Variants in SYT7 observed in about 807,000 individuals in gnomAD.
SYT7 encodes the protein synaptotagmin-7.
In SYT7, 29 loss-of-function variants were observed where a neutral mutation model predicts 75.1. The observed-to-expected ratio is 0.39, with a 90% CI of 0.29 to 0.53. SYT7 has a LOEUF of 0.53. Ranked by LOEUF, SYT7 falls within the 20% of genes least tolerant of loss-of-function variation. The pLI is 0.77. For missense variants in SYT7, 693 were observed against 953.2 expected (o/e 0.73, Z 3.59); for synonymous variants, 376 against 401.7 (o/e 0.94, Z 0.76).
At chr11:61,560,240 T>C (rs138453760) in intron 1 of SYT7, among the ~76,000 whole-genome samples, 2,131 of 152,228 alleles carry the variant, frequency 0.014, 33 homozygotes, top group Middle Eastern at 0.034. Flanking sequence ...ACGTGGTTAG[T>C]TTTCAAGAGG....
intron 1 of SYT7, among the ~76,000 whole-genome samples, chr11:61,559,975 A>G (rs1293199104): frequency 6.6e-6 from 1 of 152,234 alleles, no homozygotes; most frequent in African/African-American, 2.4e-5. Flanking sequence ...ACTCTTGGAT[A>G]TCAGTGCCTT....
Position 61,553,042 on chromosome 11 carries a change from G to A in SYT7, c.136-1579C>T, listed in dbSNP as rs1055319046. On this transcript the variant is annotated intron_variant, in intron 2 of 12. Transcript: ENST00000539008. This position sits in a 1 kb window ranked among gnomAD's most constrained non-coding sequence, Gnocchi z 5.2. Reference sequence around the variant, plus strand: ...CATCACCTGGAAGTGTCCCTTCTATGGCCCCGCCCACCCTGGAGTCTGGGC... The same window carrying A: ...CATCACCTGGAAGTGTCCCTTCTATAGCCCCGCCCACCCTGGAGTCTGGGC... Among the ~76,000 whole-genome samples the A allele has an allele frequency of 5.3e-5, 8 of 152,100 alleles. No homozygotes were observed. The highest frequency in any genetic ancestry group is 2.6e-4 in the Admixed American group (4 of 15,280).
chr11:61,532,426 G>A (rs538758694), intron 8 of SYT7, among the ~76,000 whole-genome samples: 1 of 152,156 alleles, frequency 6.6e-6, no homozygotes, highest in Non-Finnish European at 1.5e-5. Context: ...ATCTGGTGGG[G>A]CGTGGGTGTG....
intron 1 of SYT7, among the ~76,000 whole-genome samples, chr11:61,572,177 G>A (rs910681669): frequency 6.6e-6 from 1 of 152,208 alleles, no homozygotes; most frequent in Admixed American, 6.5e-5. Context: ...GCCAAGGAGG[G>A]AGAGAGGGGT....
At chr11:61,520,600 G>A (rs913505960) in intron 12 of SYT7, among the ~76,000 whole-genome samples, 13 of 151,400 alleles carry the variant, frequency 8.6e-5, no homozygotes, top group African/African-American at 2.4e-4. Flanking sequence ...CAAGGCGGGC[G>A]GATTGCTTGA....
chr11:61,561,345 G>C (rs2063631419), intron 1 of SYT7, among the ~76,000 whole-genome samples: 1 of 152,216 alleles, frequency 6.6e-6, no homozygotes, highest in Admixed American at 6.5e-5. Flanking sequence ...GGGATGTCTT[G>C]GGAGTGAGGT....
intron 5 of SYT7, among the ~76,000 whole-genome samples, chr11:61,544,990 C>A (rs1042620977): frequency 1.3e-5 from 2 of 152,116 alleles, no homozygotes; most frequent in African/African-American, 4.8e-5. Flanking sequence ...TAGGAAGGGG[C>A]AGGGCTGTTG....
At position 61,523,314 on chromosome 11, in the gene SYT7, G is replaced by T. The variant is rs1565163806; in HGVS notation, c.1757-40C>A. 2.5e-6 allele frequency: 4 copies of T among 1,584,502 alleles called. No individual in the cohort carries two copies. Among genetic ancestry groups the T allele is most frequent in the Non-Finnish European group, 3.5e-6 (4 of 1,153,606 alleles). On this transcript the variant is annotated intron_variant, in intron 11 of 12. Coordinates refer to ENST00000539008, the MANE Select transcript of SYT7 (RefSeq NM_001365809.2). This position sits in a 1 kb window ranked among gnomAD's most constrained non-coding sequence, Gnocchi z 5.0. ...GGGGAAGGGTTAGAGGGACCGTGGGGGAGGGACTTCCTAGGATCCTTTTCC... is the reference window on the plus strand; with the variant it reads ...GGGGAAGGGTTAGAGGGACCGTGGGTGAGGGACTTCCTAGGATCCTTTTCC...
At chr11:61,543,204 G>A (rs576025148) in intron 5 of SYT7, among the ~76,000 whole-genome samples, 28 of 152,316 alleles carry the variant, frequency 1.8e-4, no homozygotes, top group South Asian at 4.1e-4. Context: ...AGGGTCTGGC[G>A]TGGATCTTTG....
chr11:61,523,296 G>A lies in SYT7; in HGVS notation c.1757-22C>T, dbSNP rs370945567. ...GGGTCTAGGGGAGGGAGTGGGGAAGGGTTAGAGGGACCGTGGGGGAGGGAC... is the reference window on the plus strand; with the variant it reads ...GGGTCTAGGGGAGGGAGTGGGGAAGAGTTAGAGGGACCGTGGGGGAGGGAC... On this transcript the variant is annotated intron_variant, in intron 11 of 12. Transcript: ENST00000539008. The surrounding 1 kb of genome is among the most constrained non-coding windows in gnomAD (Gnocchi z 5.0). 1.4e-5 allele frequency: 23 copies of A among 1,610,596 alleles called. No individual in the cohort carries two copies. Among genetic ancestry groups the A allele is most frequent in the Admixed American group, 1.0e-4 (6 of 59,978 alleles).
At chr11:61,585,481 G>A (rs1185393502), upstream of SYT7, among the ~76,000 whole-genome samples, 8 of 152,142 alleles carry the variant, frequency 5.3e-5, no homozygotes, top group African/African-American at 1.9e-4. Context: ...CCAGGAGTGA[G>A]GACTTGTTCT....
Position 61,565,578 on chromosome 11 carries a change from A to C in SYT7, c.32-9371T>G, listed in dbSNP as rs78765146. Among the ~76,000 whole-genome samples the C allele has an allele frequency of 7.9e-3, 1,196 of 152,288 alleles. 11 individuals are homozygous for C. Among genetic ancestry groups the C allele is most frequent in the Admixed American group, 0.014 (214 of 15,300 alleles). On this transcript the variant is annotated intron_variant, in intron 1 of 12. Transcript: ENST00000539008. ...CAGCTCTTCTCTTGCAAGAGGAAAA[A>C]CAAATTGAGATAGGCGAGAAGGAAA...
At chr11:61,587,827 G>T in the SYT7 span, among the ~76,000 whole-genome samples, 4 of 152,216 alleles carry the variant, frequency 2.6e-5, no homozygotes, top group East Asian at 1.9e-4. Flanking sequence ...GTGCGCGGAG[G>T]GGGTGCCGCG....
At chr11:61,547,106 G>T in intron 4 of SYT7, 71 bp downstream of exon 4, 2 of 1,499,732 alleles carry the variant, frequency 1.3e-6, no homozygotes, top group East Asian at 2.5e-5. Context: ...AGGTGGGTGG[G>T]GGCAGGAGGA....
chr11:61,519,938 A>G (rs1201615406), intron 12 of SYT7, among the ~76,000 whole-genome samples: 1 of 152,094 alleles, frequency 6.6e-6, no homozygotes, highest in Non-Finnish European at 1.5e-5. Flanking sequence ...TTCCTGCCTC[A>G]GCCTCCCGAG....
At position 61,576,568 on chromosome 11, in the gene SYT7, GC is replaced by G. The variant is rs1372029911; in HGVS notation, c.31+4221del. Reference sequence around the variant, plus strand: ...TCATCAGCTCCGGACTGGGCCTCCCGCCCCCACGTGACCCCTCCCAGCTCTT... The same window carrying G: ...TCATCAGCTCCGGACTGGGCCTCCCGCCCCACGTGACCCCTCCCAGCTCTT... On this transcript the variant is annotated intron_variant, in intron 1 of 12. Coordinates refer to ENST00000539008, the MANE Select transcript of SYT7 (RefSeq NM_001365809.2). The surrounding 1 kb of genome is among the most constrained non-coding windows in gnomAD (Gnocchi z 4.1). Among the ~76,000 whole-genome samples, 1 of 152,168 alleles carries G rather than the reference GC, an allele frequency of 6.6e-6. No homozygotes were observed. The highest frequency in any genetic ancestry group is 1.5e-5 in the Non-Finnish European group (1 of 68,010).
rs535085842 is a variant in SYT7, at chr11:61,528,111, A to G, written c.1275T>C (p.Ser425=). Residue 425 remains serine (S), a synonymous_variant, in exon 9 of 13, where the codon AGT becomes AGC. Transcript: ENST00000539008. ...TGGACTCCTGGAAGTTGTAGCCGAC[A>G]CTGAACTGGATCCGGCCCAGGTTCT... The part of the protein sequence containing the change: ...SRENLGRIQF[S]VGYNFQESTL... 1 of 1,613,680 alleles carries G rather than the reference A, an allele frequency of 6.2e-7. No homozygotes were observed. The highest frequency in any genetic ancestry group is 8.5e-7 in the Non-Finnish European group (1 of 1,179,992).
intron 7 of SYT7, among the ~76,000 whole-genome samples, chr11:61,534,441 G>GCGCA (rs1201332212): frequency 3.3e-5 from 1 of 29,992 alleles, no homozygotes; most frequent in Non-Finnish European, 6.1e-5. Flanking sequence ...ACACGCACAC[G>GCGCA]CACGCACACA....
Position 61,551,425 on chromosome 11 carries a change from C to A in SYT7, c.174G>T (p.Thr58=), listed in dbSNP as rs1477953005. ...CACTGCGCCCACGCCCTGAGTCTGG[C>A]GTGCCCACCGTCTCCAAGGAATTCT... ...RYKNSLETVG[T]PDSGRGRSEK... The change falls in exon 3 of 13, where the codon ACG becomes ACT. Residue 58 remains threonine, a synonymous_variant. Transcript: ENST00000539008. This position sits in a 1 kb window ranked among gnomAD's most constrained non-coding sequence, Gnocchi z 5.3. 4 of 1,613,780 alleles carry A rather than the reference C, an allele frequency of 2.5e-6. No homozygotes were observed. Among genetic ancestry groups the A allele is most frequent in the African/African-American group, 1.3e-5 (1 of 74,874 alleles).
Sources: gnomAD v4.1 joint callset for allele counts (sites outside exome capture counted in the v4.1 genomes callset) on GRCh38, gnomAD v4.1.1 for gene constraint, Gnocchi (gnomAD v3.1) non-coding constraint, MANE v1.5 for transcripts, NCBI Gene and HGNC (gene_info 2026-07-23, HGNC 2026-07-21) for gene names.